The following GRIK2 variants were observed in gnomAD, a reference collection of about 807,000 sequenced individuals.
GRIK2 encodes the protein glutamate ionotropic receptor kainate type subunit 2.
GRIK2 carries 32 observed loss-of-function variants against 100.3 expected under a neutral mutation model. The ratio of observed to expected loss-of-function variants is 0.32; its 90% CI spans 0.24 to 0.43. The LOEUF (loss-of-function observed/expected upper bound fraction) is 0.43, where lower values mean the gene tolerates loss of function less well. Ranked by LOEUF, GRIK2 falls within the 20% of genes least tolerant of loss-of-function variation. The pLI is 1.00. For synonymous variants in GRIK2, 417 were observed against 389.4 expected, an observed-to-expected ratio of 1.07 and a Z score of -0.83; for missense variants, 843 against 1,114.9, an observed-to-expected ratio of 0.76 and a Z score of 3.47.
intron 2 of GRIK2, among the ~76,000 whole-genome samples, chr6:101,544,679 T>C (rs1395491397): frequency 6.6e-6 from 1 of 152,208 alleles, no homozygotes; most frequent in East Asian, 1.9e-4. Context: ...TCCTCTATGC[T>C]ATGCTCTATG....
intron 12 of GRIK2, among the ~76,000 whole-genome samples, chr6:101,924,280 G>A (rs1789745329): frequency 6.6e-6 from 1 of 151,898 alleles, no homozygotes. Flanking sequence ...TGACTTTCTA[G>A]CTTTCAAATT....
intron 9 of GRIK2, among the ~76,000 whole-genome samples, chr6:101,807,673 G>A (rs1178212798): frequency 6.6e-6 from 1 of 151,856 alleles, no homozygotes; most frequent in African/African-American, 2.4e-5. Flanking sequence ...TGGGTTTTGG[G>A]GGGCACATTT....
intron 2 of GRIK2, among the ~76,000 whole-genome samples, chr6:101,578,374 A>G (rs192275075): frequency 6.6e-6 from 1 of 152,124 alleles, no homozygotes; most frequent in South Asian, 2.1e-4. Flanking sequence ...TGGAAGAACA[A>G]AATAGTCTTG....
chr6:101,573,351 G>A (rs1350410238), intron 2 of GRIK2, among the ~76,000 whole-genome samples: 2 of 152,154 alleles, frequency 1.3e-5, no homozygotes, highest in East Asian at 1.9e-4. Flanking sequence ...CTCAGGAGCA[G>A]ATTTCACCTT....
At chr6:101,468,503 C>T (rs1005882620) in intron 2 of GRIK2, among the ~76,000 whole-genome samples, 1 of 151,818 alleles carries the variant, frequency 6.6e-6, no homozygotes, top group Non-Finnish European at 1.5e-5. Flanking sequence ...AATGGAAATT[C>T]CAGGCAGATT....
rs555563672 is a variant in GRIK2, at chr6:101,397,446, T to C, written c.-293-1539T>C. Among the ~76,000 whole-genome samples the C allele has an allele frequency of 2.0e-5, 3 of 152,276 alleles. No individual in the cohort carries two copies. The East Asian group carries it at 5.8e-4, about 29-fold the overall frequency. ...GCACTAGGTGTTCCTTTTAAGGTGCTCGAACAGTCGAATTATTTGATTGAA... is the reference window on the plus strand; with the variant it reads ...GCACTAGGTGTTCCTTTTAAGGTGCCCGAACAGTCGAATTATTTGATTGAA... On this transcript the variant is annotated intron_variant, in intron 1 of 16. Transcript: ENST00000369134.
intron 7 of GRIK2, among the ~76,000 whole-genome samples, chr6:101,711,768 T>C (rs910533089): frequency 5.9e-5 from 9 of 151,798 alleles, no homozygotes; most frequent in African/African-American, 1.9e-4. Flanking sequence ...GAAAGTATCA[T>C]AACTAAAAAC....
intron 2 of GRIK2, among the ~76,000 whole-genome samples, chr6:101,484,932 G>A (rs1772738303): frequency 6.6e-6 from 1 of 152,136 alleles, no homozygotes; most frequent in Admixed American, 6.6e-5. Context: ...TGGCGTACCT[G>A]ACAGACAGCA....
At chr6:101,659,027 T>A (rs564264222) in intron 4 of GRIK2, among the ~76,000 whole-genome samples, 1 of 152,370 alleles carries the variant, frequency 6.6e-6, no homozygotes, top group Non-Finnish European at 1.5e-5. Context: ...CTGTTTAGTT[T>A]AATTAGATCC....
intron 12 of GRIK2, among the ~76,000 whole-genome samples, chr6:101,918,156 C>T (rs936389526): frequency 1.4e-5 from 2 of 146,432 alleles, no homozygotes; most frequent in African/African-American, 2.5e-5. Context: ...TTGAATTTTT[C>T]ATAACACGTG....
chr6:101,665,147 C>A (rs1339440594), intron 4 of GRIK2, among the ~76,000 whole-genome samples: 1 of 152,176 alleles, frequency 6.6e-6, no homozygotes, highest in Non-Finnish European at 1.5e-5. Context: ...CAGGTAGGTG[C>A]TCCTTGGCAT....
chr6:101,537,321 C>A (rs1485433206), intron 2 of GRIK2, among the ~76,000 whole-genome samples: 2 of 151,700 alleles, frequency 1.3e-5, no homozygotes, highest in Non-Finnish European at 2.9e-5. Context: ...TTGGTTCCAG[C>A]CAGATGGGCT....
chr6:101,547,937 C>G (rs899539332), intron 2 of GRIK2, among the ~76,000 whole-genome samples: 1 of 152,174 alleles, frequency 6.6e-6, no homozygotes, highest in African/African-American at 2.4e-5. Context: ...GTCCCACCAA[C>G]AGTGTAAAAG....
chr6:101,494,167 A>G (rs1330841332), intron 2 of GRIK2, among the ~76,000 whole-genome samples: 2 of 151,124 alleles, frequency 1.3e-5, no homozygotes, highest in Non-Finnish European at 3.0e-5. Context: ...ACTCATTTAT[A>G]TATGAATCTT....
chr6:101,696,097 AAAAC>A (rs1371216252), intron 7 of GRIK2, among the ~76,000 whole-genome samples: 1 of 152,066 alleles, frequency 6.6e-6, no homozygotes, highest in African/African-American at 2.4e-5. Flanking sequence ...AAAATATTAA[AAAAC>A]AAATGACACA....
At chr6:101,782,630 C>G (rs931747310) in intron 7 of GRIK2, among the ~76,000 whole-genome samples, 8 of 152,082 alleles carry the variant, frequency 5.3e-5, no homozygotes, top group African/African-American at 1.7e-4. Flanking sequence ...TAGGTTGATT[C>G]CATATTTTGG....
At chr6:101,509,157 CAAA>C (rs397885238) in intron 2 of GRIK2, among the ~76,000 whole-genome samples, 42 of 100,274 alleles carry the variant, frequency 4.2e-4, no homozygotes, top group Admixed American at 5.5e-4. Context: ...GACTCTGTCT[CAAA>C]AAAAAAAAAA....
intron 14 of GRIK2, among the ~76,000 whole-genome samples, chr6:101,944,413 A>T (rs1791145682): frequency 1.3e-5 from 2 of 152,174 alleles, no homozygotes; most frequent in South Asian, 4.1e-4. Context: ...TTTAGTGTAT[A>T]TGTGTAAGTG....
At chr6:101,612,851 G>T (rs747834453) in intron 2 of GRIK2, among the ~76,000 whole-genome samples, 1 of 151,466 alleles carries the variant, frequency 6.6e-6, no homozygotes, top group Non-Finnish European at 1.5e-5. Flanking sequence ...TCAGGTAAAG[G>T]TAAGTGGTTT....
Sources: gnomAD v4.1 joint callset for allele counts (sites outside exome capture counted in the v4.1 genomes callset) on GRCh38, gnomAD v4.1.1 for gene constraint, MANE v1.5 for transcripts, NCBI Gene and HGNC (gene_info 2026-07-23, HGNC 2026-07-21) for gene names.